MIGA1: variants seen among roughly 807,000 people sequenced by gnomAD.
MIGA1 encodes the protein mitoguardin 1, also known as family with sequence similarity 73, member A.
MIGA1 carries 58 observed loss-of-function variants against 82.0 expected under a neutral mutation model. The ratio of observed to expected loss-of-function variants is 0.71; its 90% confidence interval spans 0.57 to 0.88. MIGA1 has a LOEUF of 0.88. Among genes scored for constraint, MIGA1 ranks in the 40% least tolerant of loss-of-function variants. The pLI, the probability that MIGA1 is intolerant of heterozygous loss-of-function variation, is 0.00. For missense variants in MIGA1, 751 were observed against 749.1 expected, an observed-to-expected ratio of 1.00 and a Z score of -0.03; for synonymous variants, 249 against 253.6, an observed-to-expected ratio of 0.98 and a Z score of 0.17.
chr1:77,874,893 G>A lies in MIGA1; in HGVS notation c.1728G>A (p.Val576=). ...AAGACATTTTTGACTTTGAGAAGGT[G>A]CGCTATTCAAGTACAGAGACTTTAG... Residue 576 remains valine, a synonymous_variant, in exon 16 of 16, where the codon GTG becomes GTA. Transcript: ENST00000370791. 6.2e-7 allele frequency: 1 copy of A among 1,614,056 alleles called. No individual in the cohort carries two copies. The highest frequency in any genetic ancestry group is 8.5e-7 in the Non-Finnish European group (1 of 1,179,996).
intron 2 of MIGA1, among the ~76,000 whole-genome samples, chr1:77,791,559 GTTTTTTTTT>G (rs71075763): frequency 1.6e-5 from 2 of 124,706 alleles, no homozygotes; most frequent in African/African-American, 6.0e-5. Flanking sequence ...AGATATTTAA[GTTTTTTTTT>G]TTTTTTTTTT....
chr1:77,839,399 G>A (rs576920270), intron 7 of MIGA1, among the ~76,000 whole-genome samples: 1 of 151,004 alleles, frequency 6.6e-6, no homozygotes, highest in African/African-American at 2.4e-5. Flanking sequence ...TAGAGACAGT[G>A]TCATTCTGTC....
In MIGA1 at chr1:77,811,685, C is replaced by T. The variant is rs1376310773; in HGVS notation, c.638-2049C>T. On this transcript the variant is annotated intron_variant, in intron 5 of 15. Coordinates refer to ENST00000370791, the MANE Select transcript of MIGA1 (RefSeq NM_198549.4). ...TGTCTTGCTAATATCTGATACTCGT[C>T]TATCGCCTCCACCAGCTGGCCCCAA... The T allele has an allele frequency of 4.3e-6, 7 of 1,611,900 alleles. No individual in the cohort carries two copies. In the East Asian group the frequency reaches 1.3e-4, roughly 31 times the overall value.
chr1:77,803,349 C>T lies in MIGA1; in HGVS notation c.453C>T (p.Asn151=). Residue 151 remains asparagine (N), a synonymous_variant, in exon 4 of 16, where the codon AAC becomes AAT. Transcript: ENST00000370791. The stretch of plus-strand genomic sequence containing the variant: ...AAGACAAAGGATCTCAAGTTTGTAA[C>T]TATGCTAATGGAGGACTTTTCAGTA... 5 of 1,569,350 alleles carry T rather than the reference C, an allele frequency of 3.2e-6. No homozygotes were observed. Among genetic ancestry groups the T allele is most frequent in the Non-Finnish European group, 4.3e-6 (5 of 1,154,662 alleles).
chr1:77,861,424 AT>A (rs1685448935), intron 12 of MIGA1, 102 bp downstream of exon 12: 1 of 772,632 alleles, frequency 1.3e-6, no homozygotes, highest in African/African-American at 1.8e-5. Flanking sequence ...AATAAAGCCA[AT>A]TGTATGGTTG....
chr1:77,827,679 G>A (rs561469219), intron 7 of MIGA1, among the ~76,000 whole-genome samples: 21 of 152,220 alleles, frequency 1.4e-4, no homozygotes, highest in African/African-American at 2.2e-4. Context: ...GAAAGTCTGC[G>A]AAGGAGAGTG....
chr1:77,808,937 C>T (rs1226839565), intron 5 of MIGA1, among the ~76,000 whole-genome samples: 3 of 152,166 alleles, frequency 2.0e-5, no homozygotes, highest in Non-Finnish European at 4.4e-5. Context: ...TTAACATTCA[C>T]AGCTTCTGTT....
chr1:77,866,786 C>T (rs563986834), intron 14 of MIGA1, among the ~76,000 whole-genome samples: 1 of 150,082 alleles, frequency 6.7e-6, no homozygotes, highest in South Asian at 2.1e-4. Flanking sequence ...CGGGTTCAAG[C>T]GATTCTTCTG....
At chr1:77,803,976 T>A (rs1682989966) in intron 4 of MIGA1, among the ~76,000 whole-genome samples, 1 of 152,134 alleles carries the variant, frequency 6.6e-6, no homozygotes, top group African/African-American at 2.4e-5. Context: ...GATACCCCAT[T>A]TACCCTGATG....
chr1:77,832,693 A>G (rs1684284949), intron 7 of MIGA1, among the ~76,000 whole-genome samples: 1 of 152,204 alleles, frequency 6.6e-6, no homozygotes, highest in African/African-American at 2.4e-5. Context: ...GAAACACAAT[A>G]TAGGTGGGGA....
In MIGA1 at chr1:77,803,290, A is replaced by G. The variant is rs1479161878; in HGVS notation, c.394A>G (p.Arg132Gly). 1 of 1,534,612 alleles carries G rather than the reference A, an allele frequency of 6.5e-7. No individual in the cohort carries two copies. The highest frequency in any genetic ancestry group is 2.0e-5 in the Admixed American group (1 of 49,404). ...GATAGGTTCAAGTTGTTCCAGTAGC[A>G]GACAGAATTTGACATTATCTTTAAG... The change falls in exon 4 of 16, where the codon AGA becomes GGA. Residue 132 changes from arginine (R) to glycine (G), a missense_variant. By Grantham distance (125) the Arg-to-Gly change is moderately radical (BLOSUM62 -2). This residue lies in a region of MIGA1 where 482 missense variants were observed against 439.4 expected (regional missense o/e 1.10). Transcript: ENST00000370791.
intron 1 of MIGA1, 138 bp downstream of exon 1, chr1:77,779,874 G>T: frequency 7.0e-7 from 1 of 1,426,748 alleles, no homozygotes; most frequent in South Asian, 1.5e-5. Flanking sequence ...CGGAGTGCCA[G>T]GTGGAGCGGC....
chr1:77,791,243 T>TAAAAAAAAAAAA (rs757682711), intron 2 of MIGA1, among the ~76,000 whole-genome samples: 1 of 116,942 alleles, frequency 8.6e-6, no homozygotes, highest in Non-Finnish European at 1.8e-5. Flanking sequence ...CCCTGTCTCT[T>TAAAAAAAAAAAA]AAAAAAAAAA....
At chr1:77,810,994 A>G in intron 5 of MIGA1, 3 of 1,612,472 alleles carry the variant, frequency 1.9e-6, no homozygotes, top group South Asian at 1.1e-5. Flanking sequence ...AATTTCATCC[A>G]TCTCCATGAA....
At chr1:77,873,298 A>G (rs932916376) in intron 15 of MIGA1, among the ~76,000 whole-genome samples, 178 bp downstream of exon 15, 1 of 152,228 alleles carries the variant, frequency 6.6e-6, no homozygotes, top group Non-Finnish European at 1.5e-5. Context: ...ATTTTATAAT[A>G]CCACTATTAT....
chr1:77,801,530 A>G, intron 3 of MIGA1, 22 bp downstream of exon 3: 1 of 1,548,620 alleles, frequency 6.5e-7, no homozygotes, highest in Non-Finnish European at 8.6e-7. Flanking sequence ...TAGTTGAAGT[A>G]AGTGTACAAA....
chr1:77,795,470 A>C (rs1390986720), intron 2 of MIGA1, among the ~76,000 whole-genome samples: 1 of 151,306 alleles, frequency 6.6e-6, no homozygotes, highest in East Asian at 2.0e-4. Context: ...AGTAGCTGGG[A>C]CTGTGGGCAC....
In MIGA1 at chr1:77,843,243, G is replaced by A. The variant is rs1410043894; in HGVS notation, c.896-64G>A. On this transcript the variant is annotated intron_variant, in intron 7 of 15. Transcript: ENST00000370791. The stretch of plus-strand genomic sequence containing the variant: ...GGGGAAAAATCAAAATCAAACTATG[G>A]AATGTGAAATACCACAATGATGTGG... 6 of 1,173,366 alleles carry A rather than the reference G, an allele frequency of 5.1e-6. No individual in the cohort carries two copies. The East Asian group carries it at 9.6e-5, about 19-fold the overall frequency. 72.7% of individuals were successfully genotyped at this position (1,173,366 alleles called of 1,614,324 possible).
At position 77,813,761 on chromosome 1, in the gene MIGA1, G is replaced by A. The variant is rs145826692; in HGVS notation, c.665G>A (p.Arg222His). The change falls in exon 6 of 16, where the codon CGT becomes CAT. Residue 222 changes from arginine (R) to histidine (H), a missense_variant. This residue lies in a region of MIGA1 where 482 missense variants were observed against 439.4 expected (regional missense o/e 1.10). Transcript: ENST00000370791. ...ATGGAATTGTTTGAAGAGGCATTGC[G>A]TCGATGGGAACAAGCTCTGACCTTT... The A allele has an allele frequency of 9.5e-5, 154 of 1,614,030 alleles. No homozygotes were observed. Among genetic ancestry groups the A allele is most frequent in the East Asian group, 1.3e-4 (6 of 44,894 alleles).
Sources: gnomAD v4.1 joint callset for allele counts (sites outside exome capture counted in the v4.1 genomes callset) on GRCh38, gnomAD v4.1.1 for gene constraint, gnomAD v4.1.1 regional missense constraint, MANE v1.5 for transcripts, NCBI Gene and HGNC (gene_info 2026-07-23, HGNC 2026-07-21) for gene names.